CCSER1: variants seen among roughly 807,000 people sequenced by gnomAD.
CCSER1 encodes coiled-coil serine rich protein 1, also known as serine-rich coiled-coil domain-containing protein 1.
CCSER1 carries 41 observed loss-of-function variants against 82.0 expected under a neutral mutation model. That is an observed-to-expected ratio of 0.50 (90% CI 0.39 to 0.65). The LOEUF (loss-of-function observed/expected upper bound fraction) is 0.65, where lower values mean the gene tolerates loss of function less well. Ranked by LOEUF, CCSER1 falls within the 30% of genes least tolerant of loss-of-function variation. The pLI is 0.00. For synonymous variants in CCSER1, 414 were observed against 383.9 expected (o/e 1.08, Z -0.92); for missense variants, 1,119 against 1,064.2 (o/e 1.05, Z -0.72).
intron 10 of CCSER1, among the ~76,000 whole-genome samples, chr4:91,154,913 A>G (rs1192944979): frequency 2.0e-5 from 3 of 151,950 alleles, no homozygotes; most frequent in Non-Finnish European, 4.4e-5. Context: ...AGGGGCACAG[A>G]GAAGGATGCC....
At chr4:90,233,182 A>T (rs1481958747) in intron 1 of CCSER1, among the ~76,000 whole-genome samples, 1 of 152,178 alleles carries the variant, frequency 6.6e-6, no homozygotes, top group Non-Finnish European at 1.5e-5. Flanking sequence ...ACGTATGTTT[A>T]TTGCGGCATT....
At chr4:91,589,061 T>C (rs1298507802) in intron 10 of CCSER1, among the ~76,000 whole-genome samples, 1 of 151,896 alleles carries the variant, frequency 6.6e-6, no homozygotes, top group African/African-American at 2.4e-5. Context: ...TTTAGTAATA[T>C]ATTGACTTTA....
rs201354908 is a variant in CCSER1 at position 90,611,059 on chromosome 4, CT to C, written c.1725-16946del. On this transcript the variant is annotated intron_variant, in intron 5 of 10. Transcript: ENST00000509176. Reference sequence around the variant, plus strand: ...TGCCTGGCTAATTTTCTTTTCTTTTCTTTTTTTTTTTTTTTTTTTTGTAGAG... The same window carrying C: ...TGCCTGGCTAATTTTCTTTTCTTTTCTTTTTTTTTTTTTTTTTTTGTAGAG... 1.8e-3 allele frequency among the ~76,000 whole-genome samples: 166 copies of C among 93,824 alleles called. 1 individual carries two copies. Among genetic ancestry groups the C allele is most frequent in the East Asian group, 8.7e-3 (27 of 3,086 alleles). The allele number at this position is 93,824 out of a possible 152,430, so 61.6% of individuals were successfully genotyped here. A position where few individuals can be genotyped will look rare whatever the true frequency, so the allele number is the denominator to read the frequency against.
chr4:90,794,659 C>A (rs11936409), intron 7 of CCSER1, among the ~76,000 whole-genome samples: 97 of 151,808 alleles, frequency 6.4e-4, no homozygotes, highest in African/African-American at 2.2e-3. Flanking sequence ...CTTTTTTTTC[C>A]TTGTTCCATT....
Position 90,353,493 on chromosome 4 carries a change from A to G in CCSER1, c.1509+40446A>G, listed in dbSNP as rs1303983933. ...AGTACAGCTATAAACTCTGAAAATG[A>G]TGGAAGAGGCAAATAAAGGAAAATT... On this transcript the variant is annotated intron_variant, in intron 3 of 10. Transcript: ENST00000509176. 2.0e-5 allele frequency among the ~76,000 whole-genome samples: 3 copies of G among 152,194 alleles called. No individual in the cohort carries two copies. In the East Asian group the frequency reaches 5.8e-4, roughly 29 times the overall value.
chr4:90,418,546 T>C (rs1448022913), intron 4 of CCSER1, among the ~76,000 whole-genome samples: 1 of 151,946 alleles, frequency 6.6e-6, no homozygotes, highest in Non-Finnish European at 1.5e-5. Flanking sequence ...ACTTTCTCAT[T>C]TGAGAAAGTT....
At chr4:90,268,648 C>A (rs1043652816) in intron 1 of CCSER1, among the ~76,000 whole-genome samples, 2 of 151,736 alleles carry the variant, frequency 1.3e-5, no homozygotes, top group Non-Finnish European at 2.9e-5. Context: ...TGGGACCACA[C>A]AAAACATCAG....
chr4:90,860,800 C>G (rs911602145), intron 8 of CCSER1, among the ~76,000 whole-genome samples: 17 of 151,542 alleles, frequency 1.1e-4, no homozygotes, highest in Non-Finnish European at 5.9e-5. Context: ...TATAAAATGT[C>G]CACAATAGGC....
At chr4:91,312,752 A>G (rs1745573187) in intron 10 of CCSER1, among the ~76,000 whole-genome samples, 1 of 151,904 alleles carries the variant, frequency 6.6e-6, no homozygotes, top group Non-Finnish European at 1.5e-5. Flanking sequence ...TACATTATTC[A>G]GGTGATGGAT....
chr4:91,111,584 G>A (rs1726096613), intron 10 of CCSER1, among the ~76,000 whole-genome samples: 1 of 151,850 alleles, frequency 6.6e-6, no homozygotes, highest in African/African-American at 2.4e-5. Context: ...ATAAAAGGGA[G>A]TAATTTGAAT....
At chr4:90,667,822 T>G (rs1378483401) in intron 6 of CCSER1, among the ~76,000 whole-genome samples, 1 of 152,206 alleles carries the variant, frequency 6.6e-6, no homozygotes, top group Non-Finnish European at 1.5e-5. Flanking sequence ...TTATTAATGG[T>G]CATTGCTATG....
rs116670079 is a variant in CCSER1 at position 91,422,389 on chromosome 4, C to T, written c.2218-176183C>T. ...TCTGATGATTCCGGCTTAGACTGAT[C>T]ATTTTCTTCTCTGAATTTTCTTATG... On this transcript the variant is annotated intron_variant, in intron 10 of 10. Transcript: ENST00000509176. Among the ~76,000 whole-genome samples the T allele has an allele frequency of 5.6e-3, 848 of 152,252 alleles. 3 individuals carry two copies. Among genetic ancestry groups the T allele is most frequent in the Middle Eastern group, 0.02 (6 of 294 alleles).
intron 1 of CCSER1, among the ~76,000 whole-genome samples, chr4:90,265,069 A>G (rs1435187406): frequency 2.6e-5 from 4 of 151,964 alleles, no homozygotes; most frequent in Admixed American, 2.0e-4. Flanking sequence ...TAGCTTATGT[A>G]TTATATATAA....
At chr4:91,024,202 A>G (rs538026419) in intron 9 of CCSER1, among the ~76,000 whole-genome samples, 3 of 152,286 alleles carry the variant, frequency 2.0e-5, no homozygotes, top group African/African-American at 7.2e-5. Flanking sequence ...TACATTAGAG[A>G]TTAAGTTTCA....
chr4:91,148,393 A>T (rs1415533146), intron 10 of CCSER1, among the ~76,000 whole-genome samples: 2 of 152,164 alleles, frequency 1.3e-5, no homozygotes, highest in Non-Finnish European at 2.9e-5. Context: ...TCTTGTGGGA[A>T]TAGATTAAAA....
chr4:90,138,441 A>G (rs538636377), intron 1 of CCSER1, among the ~76,000 whole-genome samples: 4 of 152,338 alleles, frequency 2.6e-5, no homozygotes, highest in African/African-American at 9.6e-5. Flanking sequence ...GCTCACTTTG[A>G]ACACTGCCCT....
intron 10 of CCSER1, among the ~76,000 whole-genome samples, chr4:91,552,933 G>A (rs1258218937): frequency 6.6e-6 from 1 of 151,404 alleles, no homozygotes; most frequent in East Asian, 1.9e-4. Flanking sequence ...GGCAAGTGTG[G>A]ACATCCTTGT....
intron 1 of CCSER1, among the ~76,000 whole-genome samples, chr4:90,185,601 C>A (rs982052621): frequency 6.6e-6 from 1 of 151,862 alleles, no homozygotes; most frequent in African/African-American, 2.4e-5. Context: ...AAAACATATG[C>A]CACTGTTATC....
chr4:91,083,860 T>C (rs1723078883), intron 9 of CCSER1, among the ~76,000 whole-genome samples: 1 of 152,124 alleles, frequency 6.6e-6, no homozygotes. Context: ...GTGATTTTGG[T>C]GACATTAACA....
Sources: gnomAD v4.1 joint callset for allele counts (sites outside exome capture counted in the v4.1 genomes callset) on GRCh38, gnomAD v4.1.1 for gene constraint, MANE v1.5 for transcripts, NCBI Gene and HGNC (gene_info 2026-07-23, HGNC 2026-07-21) for gene names.